AKAP19: variants seen among roughly 807,000 people sequenced by gnomAD.
AKAP19 encodes the protein small A-kinase anchoring protein.
chr2:189,948,635 A>G, the AKAP19 span, among the ~76,000 whole-genome samples: 1 of 152,172 alleles, frequency 6.6e-6, no homozygotes, highest in African/African-American at 2.4e-5. Flanking sequence ...GCGCCACTTT[A>G]TCAATTGCCT....
the AKAP19 span, among the ~76,000 whole-genome samples, chr2:190,165,065 C>T: frequency 7.2e-5 from 11 of 152,022 alleles, no homozygotes; most frequent in Non-Finnish European, 7.4e-5. Context: ...TAAAAGAATC[C>T]CAGAAGCATT....
chr2:190,202,342 A>T, the AKAP19 span: 1 of 167,156 alleles, frequency 6.0e-6, no homozygotes, highest in South Asian at 2.1e-4. Context: ...TTGTATGTTA[A>T]CCCATGACAT....
chr2:190,077,578 C>T, the AKAP19 span, among the ~76,000 whole-genome samples: 4 of 152,320 alleles, frequency 2.6e-5, no homozygotes, highest in African/African-American at 9.6e-5. Context: ...GCTGGGATTA[C>T]AGGCATGAGC....
the AKAP19 span, among the ~76,000 whole-genome samples, chr2:190,170,874 G>A: frequency 2.6e-5 from 4 of 152,158 alleles, no homozygotes; most frequent in Admixed American, 2.0e-4. Context: ...AAGAGACTGT[G>A]TACATTGAAC....
the AKAP19 span, among the ~76,000 whole-genome samples, chr2:189,933,159 C>T: frequency 6.6e-6 from 1 of 152,088 alleles, no homozygotes; most frequent in South Asian, 2.1e-4. Context: ...TGTTAAGTGC[C>T]TTTACTAATG....
chr2:190,038,289 C>T, the AKAP19 span, among the ~76,000 whole-genome samples: 7 of 152,240 alleles, frequency 4.6e-5, no homozygotes, highest in South Asian at 1.2e-3. Flanking sequence ...AACTTAGCAG[C>T]CAGTCCAGCA....
chr2:190,080,221 C>A, the AKAP19 span, among the ~76,000 whole-genome samples: 1 of 152,150 alleles, frequency 6.6e-6, no homozygotes, highest in Non-Finnish European at 1.5e-5. Context: ...TGACAGTTAG[C>A]AAAATCGCAA....
chr2:190,001,925 C>T, the AKAP19 span, among the ~76,000 whole-genome samples: 1 of 152,304 alleles, frequency 6.6e-6, no homozygotes, highest in South Asian at 2.1e-4. Flanking sequence ...AAGCCATTGG[C>T]CCCCTTCCTC....
the AKAP19 span, among the ~76,000 whole-genome samples, chr2:189,918,696 A>G: frequency 3.9e-5 from 6 of 152,226 alleles, no homozygotes; most frequent in Middle Eastern, 3.2e-3. Flanking sequence ...TCAAATATAT[A>G]GTTGTACACA....
the AKAP19 span, among the ~76,000 whole-genome samples, chr2:189,952,541 A>T: frequency 2.0e-5 from 3 of 152,172 alleles, no homozygotes; most frequent in Non-Finnish European, 4.4e-5. Flanking sequence ...TTTAGGTTTT[A>T]TCTGTTCTCC....
chr2:190,129,190 C>T, the AKAP19 span, among the ~76,000 whole-genome samples: 5 of 152,066 alleles, frequency 3.3e-5, no homozygotes, highest in African/African-American at 1.2e-4. Flanking sequence ...ACTGATGCCT[C>T]ATAATTTAAT....
chr2:189,943,303 G>C, the AKAP19 span, among the ~76,000 whole-genome samples: 5 of 152,198 alleles, frequency 3.3e-5, no homozygotes, highest in Non-Finnish European at 7.3e-5. Context: ...AGGGCCCCTG[G>C]TACAGCTCAG....
the AKAP19 span, among the ~76,000 whole-genome samples, chr2:190,049,628 C>T: frequency 2.0e-5 from 3 of 152,162 alleles, no homozygotes; most frequent in South Asian, 2.1e-4. Flanking sequence ...CAAACAAATG[C>T]AATGAGCATG....
At chr2:190,003,069 G>A in the AKAP19 span, among the ~76,000 whole-genome samples, 1 of 151,896 alleles carries the variant, frequency 6.6e-6, no homozygotes, top group African/African-American at 2.4e-5. Flanking sequence ...CTAAATGATA[G>A]TGTTTATTAG....
At chr2:190,104,281 A>G in the AKAP19 span, among the ~76,000 whole-genome samples, 69 of 152,204 alleles carry the variant, frequency 4.5e-4, no homozygotes, top group African/African-American at 1.7e-3. Context: ...GCCTTGGGAA[A>G]GAATTTATAA....
the AKAP19 span, among the ~76,000 whole-genome samples, chr2:189,929,407 A>G: frequency 6.6e-6 from 1 of 152,210 alleles, no homozygotes; most frequent in Non-Finnish European, 1.5e-5. Flanking sequence ...ACATGGTGGC[A>G]TAATTCAATC....
At chr2:189,903,671 G>T in the AKAP19 span, among the ~76,000 whole-genome samples, 6 of 151,964 alleles carry the variant, frequency 3.9e-5, no homozygotes, top group Non-Finnish European at 7.4e-5. Flanking sequence ...GATACAGGGG[G>T]TATATGTGCA....
the AKAP19 span, among the ~76,000 whole-genome samples, chr2:189,883,507 G>GTTTTTTTT: frequency 4.0e-5 from 5 of 123,770 alleles, no homozygotes; most frequent in African/African-American, 1.4e-4. Context: ...GTTTCTTCCT[G>GTTTTTTTT]TTTTTTTTTT....
the AKAP19 span, among the ~76,000 whole-genome samples, chr2:189,934,111 A>G: frequency 3.4e-4 from 51 of 152,158 alleles, no homozygotes; most frequent in Non-Finnish European, 5.9e-4. Context: ...AATTTCAAAT[A>G]TTCAAAGAAT....
Sources: gnomAD v4.1 joint callset for allele counts (sites outside exome capture counted in the v4.1 genomes callset) on GRCh38, gnomAD v4.1.1 for gene constraint, MANE v1.5 for transcripts, NCBI Gene and HGNC (gene_info 2026-07-23, HGNC 2026-07-21) for gene names.